The following GALNT10 variants were observed in gnomAD, a reference collection of about 807,000 sequenced individuals.
The protein encoded by GALNT10 is GalNAc transferase 10.
In GALNT10, 41 loss-of-function variants were observed where a neutral mutation model predicts 75.0. The observed-to-expected ratio is 0.55, with a 90% CI of 0.43 to 0.71. GALNT10 has a LOEUF of 0.71. Among genes scored for constraint, GALNT10 ranks in the 30% least tolerant of loss-of-function variants. GALNT10 has a pLI of 0.00. For synonymous variants in GALNT10, 302 were observed against 313.0 expected, an observed-to-expected ratio of 0.96 and a Z score of 0.37; for missense variants, 727 against 818.5, an observed-to-expected ratio of 0.89 and a Z score of 1.36.
At chr5:154,202,031 T>A (rs1775035242) in intron 1 of GALNT10, among the ~76,000 whole-genome samples, 1 of 152,180 alleles carries the variant, frequency 6.6e-6, no homozygotes, top group African/African-American at 2.4e-5. Flanking sequence ...TGTATCTTCC[T>A]ATTATTGGGG....
At chr5:154,209,801 T>G (rs1190653243) in intron 1 of GALNT10, among the ~76,000 whole-genome samples, 1 of 152,176 alleles carries the variant, frequency 6.6e-6, no homozygotes, top group Non-Finnish European at 1.5e-5. Flanking sequence ...TCTCTAACAC[T>G]GGCAGAAGAG....
intron 1 of GALNT10, among the ~76,000 whole-genome samples, chr5:154,234,379 C>A (rs1753212673): frequency 2.0e-5 from 3 of 152,130 alleles, no homozygotes; most frequent in Admixed American, 2.0e-4. Flanking sequence ...GAAGAACAGG[C>A]TCATAGGCTA....
At chr5:154,364,247 G>A (rs749836564) in intron 4 of GALNT10, among the ~76,000 whole-genome samples, 1 of 152,202 alleles carries the variant, frequency 6.6e-6, no homozygotes, top group Non-Finnish European at 1.5e-5. Context: ...TGAGATGAGA[G>A]ATGGTTCTGG....
At chr5:154,279,703 C>G (rs1299213448) in intron 1 of GALNT10, among the ~76,000 whole-genome samples, 3 of 152,098 alleles carry the variant, frequency 2.0e-5, no homozygotes, top group African/African-American at 4.8e-5. Context: ...ATCTCATCCT[C>G]CCAAGTAGCT....
chr5:154,322,509 G>A (rs1334134019), intron 3 of GALNT10, among the ~76,000 whole-genome samples: 1 of 152,024 alleles, frequency 6.6e-6, no homozygotes, highest in Non-Finnish European at 1.5e-5. Context: ...CCTCAATCAT[G>A]TCTGCAAGGC....
chr5:154,302,472 G>A (rs1344773429), intron 3 of GALNT10, among the ~76,000 whole-genome samples: 1 of 152,238 alleles, frequency 6.6e-6, no homozygotes, highest in East Asian at 1.9e-4. Flanking sequence ...TGGGAGCCCT[G>A]CTGGGCTGCT....
At position 154,290,091 on chromosome 5, in the gene GALNT10, A is replaced by ATTTT. The variant is rs370050729; in HGVS notation, c.160-4710_160-4707dup. On this transcript the variant is annotated intron_variant, in intron 1 of 11. Transcript: ENST00000297107. ...CCCTTCAGGCTCCATGTACTCTGTA[A>ATTTT]TTTTTTTTTTTTTTTTTTGAGACGG... 9.3e-4 allele frequency among the ~76,000 whole-genome samples: 127 copies of ATTTT among 135,908 alleles called. 2 individuals are homozygous for ATTTT. Among genetic ancestry groups the ATTTT allele is most frequent in the African/African-American group, 2.3e-3 (85 of 36,224 alleles). 89.2% of individuals were successfully genotyped at this position (135,908 alleles called of 152,430 possible). A position where few individuals can be genotyped will look rare whatever the true frequency, so the allele number is the denominator to read the frequency against.
intron 3 of GALNT10, among the ~76,000 whole-genome samples, chr5:154,324,770 T>C (rs1486625639): frequency 6.6e-6 from 1 of 152,176 alleles, no homozygotes; most frequent in Non-Finnish European, 1.5e-5. Flanking sequence ...GCTACCACTT[T>C]CAGAATCACT....
chr5:154,289,193 G>A (rs1220272786), intron 1 of GALNT10, among the ~76,000 whole-genome samples: 1 of 152,132 alleles, frequency 6.6e-6, no homozygotes, highest in Non-Finnish European at 1.5e-5. Flanking sequence ...TACTAGGAGA[G>A]GACCTAACTT....
rs70978533 is a variant in GALNT10, at chr5:154,266,573, T to TAA, written c.160-28230_160-28229dup. Among the ~76,000 whole-genome samples the TAA allele has an allele frequency of 4.1e-3, 578 of 141,742 alleles. 1 individual carries two copies. Among genetic ancestry groups the TAA allele is most frequent in the African/African-American group, 7.9e-3 (301 of 38,206 alleles). The allele number at this position is 141,742 out of a possible 152,430, so 93.0% of individuals were successfully genotyped here. On this transcript the variant is annotated intron_variant, in intron 1 of 11. Transcript: ENST00000297107. ...GGAAAATAAAATTAAAGACTATCAT[T>TAA]AAAAAAAAAAAAAACAGCTTCCCAG...
chr5:154,358,994 CT>C (rs1373058236), intron 4 of GALNT10, among the ~76,000 whole-genome samples: 1 of 152,166 alleles, frequency 6.6e-6, no homozygotes, highest in Non-Finnish European at 1.5e-5. Context: ...GTGTATGAGC[CT>C]TTGCCACAAG....
intron 1 of GALNT10, among the ~76,000 whole-genome samples, chr5:154,230,532 C>T (rs1753133160): frequency 6.6e-6 from 1 of 152,178 alleles, no homozygotes; most frequent in Non-Finnish European, 1.5e-5. Context: ...GCACCATAGG[C>T]TTCTGTGTCT....
chr5:154,324,801 GC>G (rs1223253744), intron 3 of GALNT10, among the ~76,000 whole-genome samples: 2 of 152,170 alleles, frequency 1.3e-5, no homozygotes, highest in Non-Finnish European at 2.9e-5. Context: ...TCAGTAAGTT[GC>G]TGCCCTCCTC....
At chr5:154,287,070 T>A (rs1367154065) in intron 1 of GALNT10, among the ~76,000 whole-genome samples, 1 of 152,228 alleles carries the variant, frequency 6.6e-6, no homozygotes, top group Non-Finnish European at 1.5e-5. Flanking sequence ...ACATTTTCTC[T>A]GAATGAAAAC....
At chr5:154,341,699 G>A (rs985389071) in intron 4 of GALNT10, among the ~76,000 whole-genome samples, 1 of 152,156 alleles carries the variant, frequency 6.6e-6, no homozygotes, top group African/African-American at 2.4e-5. Flanking sequence ...TTCACGTTCT[G>A]TTGCCATACG....
In GALNT10 at chr5:154,404,156, A is replaced by G; in HGVS notation, c.1109A>G (p.His370Arg). 1 of 1,613,480 alleles carries G rather than the reference A, an allele frequency of 6.2e-7. No homozygotes were observed. The change falls in exon 8 of 12, where the codon CAT (histidine) becomes CGT (arginine). Residue 370 changes from histidine (H) to arginine (R), a missense_variant. Coordinates refer to ENST00000297107, the MANE Select transcript of GALNT10 (RefSeq NM_198321.4). ...MEDIPCSRVG[H>R]IYRKYVPYKV... ...GACATCCCCTGCTCCAGGGTGGGCC[A>G]TATCTACAGGAAGTATGTGCCCTAC...
At chr5:154,194,787 G>C (rs535409620) in intron 1 of GALNT10, among the ~76,000 whole-genome samples, 1 of 152,250 alleles carries the variant, frequency 6.6e-6, no homozygotes, top group African/African-American at 2.4e-5. Flanking sequence ...ACCAGACTTG[G>C]GCTCAGACTG....
At chr5:154,260,314 G>A (rs1010656480) in intron 1 of GALNT10, among the ~76,000 whole-genome samples, 1 of 152,130 alleles carries the variant, frequency 6.6e-6, no homozygotes, top group African/African-American at 2.4e-5. Flanking sequence ...TGGATGAGGT[G>A]TTTTAGCTGT....
At chr5:154,253,002 G>GTTTTTTTTTTTTTTTT (rs373849888) in intron 1 of GALNT10, among the ~76,000 whole-genome samples, 1 of 89,862 alleles carries the variant, frequency 1.1e-5, no homozygotes, top group African/African-American at 4.4e-5. Context: ...TTTTTTAGTG[G>GTTTTTTTTTTTTTTTT]TTTTTTTTTT....
Sources: gnomAD v4.1 joint callset for allele counts (sites outside exome capture counted in the v4.1 genomes callset) on GRCh38, gnomAD v4.1.1 for gene constraint, MANE v1.5 for transcripts, NCBI Gene and HGNC (gene_info 2026-07-23, HGNC 2026-07-21) for gene names.